The following PRELID2 variants were observed in gnomAD, a reference collection of about 807,000 sequenced individuals.
PRELID2 encodes PRELI domain-containing protein 2.
PRELID2 carries 25 observed loss-of-function variants against 28.4 expected under a neutral mutation model. That is an observed-to-expected ratio of 0.88 (90% confidence interval 0.64 to 1.23). PRELID2 has a LOEUF of 1.23. Ranked by LOEUF, PRELID2 falls within the 50% of genes most tolerant of loss-of-function variation. The pLI is 0.00. For missense variants in PRELID2, 201 were observed against 214.4 expected (o/e 0.94, Z 0.39); for synonymous variants, 76 against 71.6 (o/e 1.06, Z -0.31).
At chr5:145,267,000 T>C in the PRELID2 span, among the ~76,000 whole-genome samples, 4 of 152,054 alleles carry the variant, frequency 2.6e-5, no homozygotes, top group Non-Finnish European at 5.9e-5. Flanking sequence ...ATAAGAATGA[T>C]ACAATGGACT....
the PRELID2 span, among the ~76,000 whole-genome samples, chr5:145,365,971 A>T: frequency 6.6e-6 from 1 of 151,958 alleles, no homozygotes; most frequent in East Asian, 1.9e-4. Context: ...CTCTCTAGAC[A>T]TCCTGGCAAA....
chr5:145,472,870 C>A (rs1285919829), intron 2 of PRELID2, among the ~76,000 whole-genome samples: 1 of 152,184 alleles, frequency 6.6e-6, no homozygotes, highest in Non-Finnish European at 1.5e-5. Flanking sequence ...AGTCACAATT[C>A]TGTGGGCCAC....
chr5:145,421,424 C>A, the PRELID2 span, among the ~76,000 whole-genome samples: 1 of 150,094 alleles, frequency 6.7e-6, no homozygotes, highest in African/African-American at 2.4e-5. Flanking sequence ...TGTTATTGGT[C>A]TATTCAGGGA....
At chr5:145,240,774 C>T in the PRELID2 span, among the ~76,000 whole-genome samples, 1 of 152,066 alleles carries the variant, frequency 6.6e-6, no homozygotes, top group East Asian at 1.9e-4. Context: ...CTGTGTCAAT[C>T]CTAGGTGTTA....
the PRELID2 span, chr5:145,229,882 G>A: frequency 2.7e-6 from 2 of 751,752 alleles, no homozygotes; most frequent in African/African-American, 1.7e-5. Flanking sequence ...GTCCTCAAGG[G>A]CCAGGTGTAC....
chr5:145,507,363 G>GTTC (rs1752421014), intron 1 of PRELID2, among the ~76,000 whole-genome samples: 5 of 152,180 alleles, frequency 3.3e-5, no homozygotes, highest in African/African-American at 1.2e-4. Context: ...TGCAGATTTG[G>GTTC]CCATAGGGAT....
chr5:145,267,895 T>G, the PRELID2 span, among the ~76,000 whole-genome samples: 1 of 152,208 alleles, frequency 6.6e-6, no homozygotes, highest in Non-Finnish European at 1.5e-5. Flanking sequence ...TTACATTTTC[T>G]GATGATCAGT....
chr5:145,579,745 C>A (rs1400930568), intron 1 of PRELID2, among the ~76,000 whole-genome samples: 1 of 151,964 alleles, frequency 6.6e-6, no homozygotes, highest in Admixed American at 6.6e-5. Context: ...GGGGTGTTGG[C>A]AAGTTTTGTG....
chr5:145,835,326 C>A lies in PRELID2; in HGVS notation c.-75G>T. ...AGCTGCCCAGGGCTCCGCAGAGGCC[C>A]GGAGGCGCCCACACTCGGACAGCCA... On this transcript the variant is annotated 5_prime_UTR_variant, in exon 1 of 7. Transcript: ENST00000683046. The A allele has an allele frequency of 1.0e-6, 1 of 989,394 alleles. No homozygotes were observed. Among genetic ancestry groups the A allele is most frequent in the Admixed American group, 2.6e-5 (1 of 38,188 alleles). 61.3% of individuals were successfully genotyped at this position (989,394 alleles called of 1,614,324 possible). A position where few individuals can be genotyped will look rare whatever the true frequency, so the allele number is the denominator to read the frequency against.
intron 1 of PRELID2, chr5:145,729,302 C>T: frequency 2.0e-6 from 2 of 1,016,424 alleles, no homozygotes; most frequent in Non-Finnish European, 3.0e-6. Context: ...ACAAATATTC[C>T]TTGGGGCCTT....
chr5:145,673,316 A>C (rs1423596907), intron 1 of PRELID2, among the ~76,000 whole-genome samples: 1 of 152,088 alleles, frequency 6.6e-6, no homozygotes, highest in East Asian at 1.9e-4. Context: ...GTTCTGAGAG[A>C]GAGGAGGGAA....
intron 5 of PRELID2, among the ~76,000 whole-genome samples, chr5:145,765,996 T>C (rs892574654): frequency 6.6e-6 from 1 of 152,336 alleles, no homozygotes; most frequent in Non-Finnish European, 1.5e-5. Flanking sequence ...ATTTTTCTAC[T>C]GTCCATACCC....
At chr5:145,341,864 A>T in the PRELID2 span, among the ~76,000 whole-genome samples, 4 of 152,328 alleles carry the variant, frequency 2.6e-5, no homozygotes, top group East Asian at 7.7e-4. Context: ...TAAATTTCCC[A>T]AGTCTAGCAA....
At chr5:145,810,974 T>C (rs1037656553) in intron 4 of PRELID2, among the ~76,000 whole-genome samples, 6 of 149,084 alleles carry the variant, frequency 4.0e-5, no homozygotes, top group African/African-American at 1.2e-4. Context: ...TACCTGAGAC[T>C]GGGTAATTTA....
intron 1 of PRELID2, among the ~76,000 whole-genome samples, chr5:145,612,092 A>T (rs1371928209): frequency 6.6e-6 from 1 of 152,228 alleles, no homozygotes; most frequent in Non-Finnish European, 1.5e-5. Flanking sequence ...CATATGTAAA[A>T]AAATTTGTAA....
intron 1 of PRELID2, among the ~76,000 whole-genome samples, chr5:145,699,032 C>T (rs748666939): frequency 4.6e-5 from 7 of 152,116 alleles, no homozygotes; most frequent in Non-Finnish European, 1.0e-4. Context: ...TGGCCAGCCT[C>T]ACCTCTTTAT....
At chr5:145,710,436 A>G (rs895156157) in intron 1 of PRELID2, among the ~76,000 whole-genome samples, 1 of 152,176 alleles carries the variant, frequency 6.6e-6, no homozygotes, top group Non-Finnish European at 1.5e-5. Context: ...AAGGTAGGAA[A>G]TAGAATTAAG....
chr5:145,410,470 T>C, the PRELID2 span, among the ~76,000 whole-genome samples: 1 of 152,108 alleles, frequency 6.6e-6, no homozygotes, highest in African/African-American at 2.4e-5. Flanking sequence ...ATAATTTATT[T>C]AAAAAAACGT....
intron 1 of PRELID2, among the ~76,000 whole-genome samples, chr5:145,831,496 A>C (rs1204924760): frequency 6.6e-6 from 1 of 152,244 alleles, no homozygotes; most frequent in Non-Finnish European, 1.5e-5. Context: ...CAGTGAAAGC[A>C]TAATGATCAA....
Sources: gnomAD v4.1 joint callset for allele counts (sites outside exome capture counted in the v4.1 genomes callset) on GRCh38, gnomAD v4.1.1 for gene constraint, MANE v1.5 for transcripts, NCBI Gene and HGNC (gene_info 2026-07-23, HGNC 2026-07-21) for gene names.